Variants in HIVEP1 observed in about 807,000 individuals in gnomAD.
HIVEP1 encodes the protein zinc finger protein 40.
Under a neutral mutation model 180.0 loss-of-function variants are expected in HIVEP1, and 36 were observed. The observed-to-expected ratio is 0.20, with a 90% CI of 0.15 to 0.26. HIVEP1 has a LOEUF of 0.26. Among genes scored for constraint, HIVEP1 ranks in the 10% least tolerant of loss-of-function variants. The pLI is 1.00. For missense variants in HIVEP1, 3,143 were observed against 3,268.7 expected, an observed-to-expected ratio of 0.96 and a Z score of 0.94; for synonymous variants, 1,239 against 1,239.0, an observed-to-expected ratio of 1.00 and a Z score of 0.00.
At chr6:12,023,591 T>C (rs1391485964) in intron 2 of HIVEP1, among the ~76,000 whole-genome samples, 2 of 152,222 alleles carry the variant, frequency 1.3e-5, no homozygotes, top group Non-Finnish European at 2.9e-5. Flanking sequence ...ATCATGTAGA[T>C]AGCTGACAGT....
Position 12,015,553 on chromosome 6 carries a change from T to C in HIVEP1, c.-76T>C, listed in dbSNP as rs537702844. The stretch of plus-strand genomic sequence containing the variant: ...CATGGATTAATTGATGTATGTTGAG[T>C]TTATGGAGCTGCCTTTTGGTGGCTT... On this transcript the variant is annotated 5_prime_UTR_variant, in exon 2 of 9. Coordinates refer to ENST00000379388, the MANE Select transcript of HIVEP1 (RefSeq NM_002114.4). 9 of 1,221,794 alleles carry C rather than the reference T, an allele frequency of 7.4e-6. No individual in the cohort carries two copies. Among genetic ancestry groups the C allele is most frequent in the Non-Finnish European group, 1.1e-5 (9 of 834,278 alleles). 75.7% of individuals were successfully genotyped at this position (1,221,794 alleles called of 1,614,324 possible). A position where few individuals can be genotyped will look rare whatever the true frequency, so the allele number is the denominator to read the frequency against.
At chr6:12,128,245 T>G (rs372741994) in intron 4 of HIVEP1, among the ~76,000 whole-genome samples, 16 of 152,338 alleles carry the variant, frequency 1.1e-4, no homozygotes, top group East Asian at 5.8e-4. Context: ...GAAGCCAATC[T>G]GTTTGCCAGG....
intron 3 of HIVEP1, among the ~76,000 whole-genome samples, chr6:12,103,898 A>C (rs1474784517): frequency 6.6e-6 from 1 of 152,102 alleles, no homozygotes. Context: ...AATTCTTTCA[A>C]GTGTCATATA....
chr6:12,108,341 A>G (rs1774605641), intron 3 of HIVEP1, among the ~76,000 whole-genome samples: 1 of 152,250 alleles, frequency 6.6e-6, no homozygotes, highest in African/African-American at 2.4e-5. Flanking sequence ...TAGATCCTGC[A>G]CCAGGACTGC....
At chr6:12,020,486 G>A (rs1768114327) in intron 2 of HIVEP1, 1 of 470,156 alleles carries the variant, frequency 2.1e-6, no homozygotes, top group African/African-American at 2.0e-5. Flanking sequence ...GCTCTGTGGA[G>A]GGGTTATCTC....
intron 7 of HIVEP1, among the ~76,000 whole-genome samples, chr6:12,144,677 GA>G (rs1581777913): frequency 6.6e-6 from 1 of 151,528 alleles, no homozygotes; most frequent in Non-Finnish European, 1.5e-5. Context: ...AAGTTTACAA[GA>G]AAAAAAACAA....
chr6:12,079,070 A>G (rs1219806134), intron 2 of HIVEP1, among the ~76,000 whole-genome samples: 1 of 151,982 alleles, frequency 6.6e-6, no homozygotes, highest in Non-Finnish European at 1.5e-5. Context: ...TACGATGACT[A>G]CCTCCTTCCA....
At chr6:12,157,779 C>G (rs2113674052) in intron 7 of HIVEP1, among the ~76,000 whole-genome samples, 1 of 152,202 alleles carries the variant, frequency 6.6e-6, no homozygotes, top group South Asian at 2.1e-4. Flanking sequence ...TGAGGAACTT[C>G]CGTTTAACAT....
chr6:12,041,419 CT>C (rs1329069380), intron 2 of HIVEP1, among the ~76,000 whole-genome samples: 2 of 39,226 alleles, frequency 5.1e-5, no homozygotes, highest in Non-Finnish European at 1.0e-4. Flanking sequence ...GAGACTCCGT[CT>C]AAAAAAAAAA....
the HIVEP1 span, among the ~76,000 whole-genome samples, chr6:12,175,747 G>A: frequency 2.6e-5 from 4 of 152,194 alleles, no homozygotes; most frequent in Non-Finnish European, 5.9e-5. Context: ...CTAAAAGTTC[G>A]AAAATGTGGA....
At chr6:12,188,428 A>G in the HIVEP1 span, among the ~76,000 whole-genome samples, 2 of 152,198 alleles carry the variant, frequency 1.3e-5, no homozygotes, top group African/African-American at 4.8e-5. Context: ...CATGTATAAG[A>G]CAGCCAGGGG....
chr6:12,010,830 C>T (rs1767236559), upstream of HIVEP1, among the ~76,000 whole-genome samples: 1 of 152,216 alleles, frequency 6.6e-6, no homozygotes, highest in African/African-American at 2.4e-5. Context: ...CTACTGCTTT[C>T]TAGCAGCCGG....
In HIVEP1 at chr6:12,121,880, G is replaced by A. The variant is rs758031727; in HGVS notation, c.2085G>A (p.Arg695=). ...TVSPPTPFAR[R]LPSTEQDSGR... is the part of the protein sequence containing the mutation. ...GTCCACCAACTCCCTTTGCCAGAAG[G>A]TTACCCAGCACAGAACAAGACTCTG... Residue 695 remains arginine (R), a synonymous_variant, in exon 4 of 9, where the codon AGG becomes AGA. Coordinates refer to ENST00000379388, the MANE Select transcript of HIVEP1 (RefSeq NM_002114.4). The surrounding 1 kb of genome is among the most constrained non-coding windows in gnomAD (Gnocchi z 5.3). The A allele has an allele frequency of 5.0e-6, 8 of 1,614,146 alleles. No homozygotes were observed. In the South Asian group the frequency reaches 7.7e-5, roughly 16 times the overall value.
chr6:12,151,535 C>G (rs750067022), intron 7 of HIVEP1, among the ~76,000 whole-genome samples: 17 of 152,238 alleles, frequency 1.1e-4, no homozygotes, highest in Non-Finnish European at 1.5e-4. Flanking sequence ...TTTTTGAATC[C>G]TGGCTTTGAT....
the HIVEP1 span, among the ~76,000 whole-genome samples, chr6:12,181,720 G>A: frequency 6.6e-6 from 1 of 152,202 alleles, no homozygotes; most frequent in East Asian, 1.9e-4. Flanking sequence ...GCTACAGTCA[G>A]TACAGGAAAA....
chr6:12,090,759 T>TTTA (rs70981662), intron 3 of HIVEP1, among the ~76,000 whole-genome samples: 1 of 130,338 alleles, frequency 7.7e-6, no homozygotes, highest in Non-Finnish European at 1.6e-5. Context: ...TTTTTTTTTT[T>TTTA]ACATCTAGTC....
upstream of HIVEP1, among the ~76,000 whole-genome samples, chr6:12,011,485 C>A (rs1301202422): frequency 6.6e-6 from 1 of 150,750 alleles, no homozygotes; most frequent in African/African-American, 2.4e-5. Context: ...CGTGACTGGC[C>A]GGGCCCGCCC....
intron 2 of HIVEP1, among the ~76,000 whole-genome samples, chr6:12,059,712 G>A (rs1771108660): frequency 6.6e-6 from 1 of 151,956 alleles, no homozygotes; most frequent in African/African-American, 2.4e-5. Flanking sequence ...TTCACCTCTA[G>A]TCCCTCTGGG....
At chr6:12,060,195 C>A (rs1435602946) in intron 2 of HIVEP1, among the ~76,000 whole-genome samples, 1 of 152,202 alleles carries the variant, frequency 6.6e-6, no homozygotes, top group Non-Finnish European at 1.5e-5. Context: ...TTAAAACATA[C>A]TTTAAAATCT....
Sources: gnomAD v4.1 joint callset for allele counts (sites outside exome capture counted in the v4.1 genomes callset) on GRCh38, gnomAD v4.1.1 for gene constraint, Gnocchi (gnomAD v3.1) non-coding constraint, MANE v1.5 for transcripts, NCBI Gene and HGNC (gene_info 2026-07-23, HGNC 2026-07-21) for gene names.